TULP4: variants seen among roughly 807,000 people sequenced by gnomAD.
TULP4 encodes tubby-related protein 4.
A neutral mutation model predicts 129.0 loss-of-function variants in TULP4; 16 were observed. That is an observed-to-expected ratio of 0.12 (90% CI 0.08 to 0.19). The LOEUF is 0.19. Among genes scored for constraint, TULP4 ranks in the 10% least tolerant of loss-of-function variants. The pLI, the probability that TULP4 is intolerant of heterozygous loss-of-function variation, is 1.00. For missense variants in TULP4, 1,842 were observed against 2,059.1 expected (o/e 0.89, Z 2.04); for synonymous variants, 998 against 854.0 (o/e 1.17, Z -2.94).
In TULP4 at chr6:158,413,018, C is replaced by T. The variant is rs376867991; in HGVS notation, c.253-47C>T. ...ATCACATCACAGAAATAATCCTGGC[C>T]CACAGATTTATTTCCTGTGGTAAAT... On this transcript the variant is annotated intron_variant, in intron 1 of 13. Coordinates refer to ENST00000367097, the MANE Select transcript of TULP4 (RefSeq NM_020245.5). The surrounding 1 kb of genome is among the most constrained non-coding windows in gnomAD (Gnocchi z 4.9). The T allele has an allele frequency of 3.2e-6, 5 of 1,574,214 alleles. No homozygotes were observed. Among genetic ancestry groups the T allele is most frequent in the Non-Finnish European group, 4.3e-6 (5 of 1,156,716 alleles).
At chr6:158,415,349 C>CA (rs1256708617) in intron 2 of TULP4, among the ~76,000 whole-genome samples, 79 of 130,584 alleles carry the variant, frequency 6.0e-4, no homozygotes, top group Non-Finnish European at 8.5e-4. Context: ...GAGTGTGCTT[C>CA]TTTTTTTTTT....
At chr6:158,246,026 GTGTGT>G (rs1778025100) in intron 1 of TULP4, among the ~76,000 whole-genome samples, 8 of 74,194 alleles carry the variant, frequency 1.1e-4, no homozygotes, top group East Asian at 9.4e-4. Flanking sequence ...CCTTAGGGGT[GTGTGT>G]GTGTGTGTGT....
At chr6:158,263,406 T>C (rs1240401772) in intron 1 of TULP4, among the ~76,000 whole-genome samples, 1 of 152,216 alleles carries the variant, frequency 6.6e-6, no homozygotes, top group Non-Finnish European at 1.5e-5. Flanking sequence ...TTATAAATAG[T>C]AACTCCTGAG....
chr6:158,480,069 C>G, intron 7 of TULP4, 94 bp downstream of exon 7: 1 of 966,368 alleles, frequency 1.0e-6, no homozygotes, highest in Non-Finnish European at 1.5e-6. Context: ...CCAGAGTGAG[C>G]ACATGGGGCC....
intron 1 of TULP4, chr6:158,238,072 A>T (rs1043115227): frequency 1.1e-5 from 8 of 705,690 alleles, no homozygotes; most frequent in Non-Finnish European, 1.9e-5. Context: ...GGTACTATTA[A>T]ATCTTCTTCA....
intron 6 of TULP4, among the ~76,000 whole-genome samples, chr6:158,474,455 A>C (rs148458214): frequency 6.6e-6 from 1 of 151,496 alleles, no homozygotes; most frequent in South Asian, 2.1e-4. Context: ...ACTCACTGCT[A>C]TATACAAAAA....
At chr6:158,457,512 A>G (rs865925549) in intron 5 of TULP4, among the ~76,000 whole-genome samples, 3 of 152,294 alleles carry the variant, frequency 2.0e-5, no homozygotes, top group South Asian at 4.1e-4. Flanking sequence ...TCATCACGCA[A>G]TAAGCAGGGA....
upstream of TULP4, among the ~76,000 whole-genome samples, chr6:158,281,970 T>C (rs1267669617): frequency 6.6e-6 from 1 of 152,208 alleles, no homozygotes; most frequent in Non-Finnish European, 1.5e-5. Context: ...ATCCTGAGTC[T>C]CTCTTTGCCC....
At chr6:158,246,577 A>ATGCTTT (rs904646854) in intron 1 of TULP4, among the ~76,000 whole-genome samples, 1 of 152,206 alleles carries the variant, frequency 6.6e-6, no homozygotes, top group African/African-American at 2.4e-5. Flanking sequence ...TGATAAATAA[A>ATGCTTT]TGCTTTCTTT....
At chr6:158,424,118 G>A (rs1008306907) in intron 2 of TULP4, among the ~76,000 whole-genome samples, 2 of 152,106 alleles carry the variant, frequency 1.3e-5, no homozygotes, top group East Asian at 1.9e-4. Flanking sequence ...ATATTTGCCC[G>A]TGTTCATACA....
At chr6:158,465,001 T>G (rs1391579577) in intron 6 of TULP4, among the ~76,000 whole-genome samples, 2 of 152,250 alleles carry the variant, frequency 1.3e-5, no homozygotes, top group Non-Finnish European at 2.9e-5. Context: ...TGATGGTATG[T>G]CATAATCACG....
In TULP4 at chr6:158,236,795, C is replaced by CTTTTCTTTTTTTTTTTT. The variant is rs1554272522; in HGVS notation, n.68+4496_68+4497insCTTTTTTTTTTTTTTTT. Among the ~76,000 whole-genome samples the CTTTTCTTTTTTTTTTTT allele has an allele frequency of 2.2e-4, 14 of 63,304 alleles. 1 individual carries two copies. Among genetic ancestry groups the CTTTTCTTTTTTTTTTTT allele is most frequent in the South Asian group, 5.8e-4 (1 of 1,728 alleles). The allele number at this position is 63,304 out of a possible 152,430, so 41.5% of individuals were successfully genotyped here. A position where few individuals can be genotyped will look rare whatever the true frequency, so the allele number is the denominator to read the frequency against. Reference sequence around the variant, plus strand: ...AGATGGGTAAATGCCCAATTCTTTTCTTTTTTTTTTTTTTTTTTTTTTTTT... The same window carrying CTTTTCTTTTTTTTTTTT: ...AGATGGGTAAATGCCCAATTCTTTTCTTTTCTTTTTTTTTTTTTTTTTTTTTTTTTTTTTTTTTTTTT... On this transcript the variant is annotated intron_variant and non_coding_transcript_variant, in intron 1 of 1. Transcript: ENST00000620026.
intron 11 of TULP4, among the ~76,000 whole-genome samples, chr6:158,497,470 A>C (rs1780357941): frequency 6.6e-6 from 1 of 152,236 alleles, no homozygotes; most frequent in Non-Finnish European, 1.5e-5. Context: ...CAAAGCATTC[A>C]GAGGGGTCTA....
chr6:158,298,504 G>A (rs375018488), intron 1 of TULP4, among the ~76,000 whole-genome samples: 1 of 151,376 alleles, frequency 6.6e-6, no homozygotes, highest in Admixed American at 6.6e-5. Context: ...GTGCCATGGC[G>A]ATGAAGGCTT....
At chr6:158,421,146 G>A (rs907184529) in intron 2 of TULP4, among the ~76,000 whole-genome samples, 1 of 152,110 alleles carries the variant, frequency 6.6e-6, no homozygotes, top group Non-Finnish European at 1.5e-5. Flanking sequence ...CGGATCACGA[G>A]GTCAAGAGAT....
intron 6 of TULP4, among the ~76,000 whole-genome samples, chr6:158,462,134 G>A (rs915301834): frequency 3.3e-5 from 5 of 152,222 alleles, no homozygotes; most frequent in Non-Finnish European, 7.3e-5. Context: ...AATAACTTGT[G>A]TATCTCCTGC....
intron 1 of TULP4, among the ~76,000 whole-genome samples, chr6:158,379,472 C>G (rs776496087): frequency 6.6e-6 from 1 of 152,216 alleles, no homozygotes; most frequent in Admixed American, 6.5e-5. Context: ...AAAAGAGGTT[C>G]TACCTGGGCA....
At chr6:158,345,115 A>G (rs1165993660) in intron 1 of TULP4, among the ~76,000 whole-genome samples, 1 of 152,238 alleles carries the variant, frequency 6.6e-6, no homozygotes, top group African/African-American at 2.4e-5. Context: ...AGGAAACTGC[A>G]GAAGAAAAGT....
chr6:158,470,865 G>T (rs1230575449), intron 6 of TULP4, among the ~76,000 whole-genome samples: 2 of 152,204 alleles, frequency 1.3e-5, no homozygotes, highest in African/African-American at 4.8e-5. Context: ...TAAAGAATTG[G>T]CGACTAAGCA....
Sources: allele counts gnomAD v4.1 joint callset (sites outside exome capture counted in the v4.1 genomes callset), GRCh38; gene constraint gnomAD v4.1.1; non-coding constraint Gnocchi (gnomAD v3.1); transcripts MANE v1.5; gene names NCBI Gene and HGNC (gene_info 2026-07-23, HGNC 2026-07-21).